The following ERC2 variants were observed in gnomAD, a reference collection of about 807,000 sequenced individuals.
The protein encoded by ERC2 is ERC protein 2.
Under a neutral mutation model 114.8 loss-of-function variants are expected in ERC2, and 42 were observed. That is an observed-to-expected ratio of 0.37 (90% CI 0.29 to 0.47). The LOEUF (loss-of-function observed/expected upper bound fraction) is 0.47, where lower values mean the gene tolerates loss of function less well. Ranked by LOEUF, ERC2 falls within the 20% of genes least tolerant of loss-of-function variation. ERC2 has a pLI of 0.99. For missense variants in ERC2, 939 were observed against 1,150.7 expected (o/e 0.82, Z 2.66); for synonymous variants, 454 against 425.5 (o/e 1.07, Z -0.82).
chr3:56,305,766 G>A (rs2056183886), intron 2 of ERC2, among the ~76,000 whole-genome samples: 1 of 152,242 alleles, frequency 6.6e-6, no homozygotes. Context: ...CGGCCTAAGG[G>A]CCAAATCTGG....
chr3:55,577,868 C>T (rs757791398), intron 17 of ERC2, among the ~76,000 whole-genome samples: 1 of 152,188 alleles, frequency 6.6e-6, no homozygotes, highest in Non-Finnish European at 1.5e-5. Context: ...GTTGTCTAGA[C>T]TGCCACAGTA....
intron 4 of ERC2, among the ~76,000 whole-genome samples, chr3:56,169,758 G>A (rs959106114): frequency 6.6e-6 from 1 of 151,008 alleles, no homozygotes; most frequent in African/African-American, 2.4e-5. Context: ...CAATGAAAAA[G>A]GGGGTTGAGA....
At chr3:55,915,182 T>C (rs1278793480) in intron 13 of ERC2, among the ~76,000 whole-genome samples, 4 of 152,138 alleles carry the variant, frequency 2.6e-5, no homozygotes, top group African/African-American at 4.8e-5. Flanking sequence ...ATAAACCCTA[T>C]GCTGTTTAAC....
chr3:55,520,226 A>C (rs1171782079), intron 17 of ERC2, among the ~76,000 whole-genome samples: 2 of 151,954 alleles, frequency 1.3e-5, no homozygotes, highest in African/African-American at 4.8e-5. Context: ...GGCAAGGGGG[A>C]CAGATGGCCT....
At chr3:56,237,879 T>C (rs1487314201) in intron 3 of ERC2, among the ~76,000 whole-genome samples, 1 of 114,182 alleles carries the variant, frequency 8.8e-6, no homozygotes, top group Non-Finnish European at 1.7e-5. Flanking sequence ...ATTTCTGCCT[T>C]TCTATTTTTT....
chr3:56,325,705 C>T (rs961919804), intron 2 of ERC2, among the ~76,000 whole-genome samples: 1 of 152,138 alleles, frequency 6.6e-6, no homozygotes, highest in African/African-American at 2.4e-5. Context: ...AAAGTACTTA[C>T]CCTGCACTGA....
Position 56,255,141 on chromosome 3 carries a change from ACTCTC to A in ERC2, c.1074+40873_1074+40877del, listed in dbSNP as rs2052431348. ...CATTTGTTCACACCTGTCCCTGAAG[ACTCTC>A]TCCTTTCTCCATCTTTTCATCTACC... On this transcript the variant is annotated intron_variant, in intron 3 of 17. Transcript: ENST00000288221. Among the ~76,000 whole-genome samples, 2 of 151,906 alleles carry A rather than the reference ACTCTC, an allele frequency of 1.3e-5. 1 individual carries two copies. The highest frequency in any genetic ancestry group is 4.8e-5 in the African/African-American group (2 of 41,326).
At chr3:56,418,427 C>T (rs2061256451) in intron 2 of ERC2, among the ~76,000 whole-genome samples, 1 of 152,242 alleles carries the variant, frequency 6.6e-6, no homozygotes, top group Admixed American at 6.5e-5. Flanking sequence ...CTCCATACTA[C>T]AGTCAATCCT....
chr3:56,231,976 T>TG (rs1350668769), intron 3 of ERC2, among the ~76,000 whole-genome samples: 1 of 152,016 alleles, frequency 6.6e-6, no homozygotes, highest in Non-Finnish European at 1.5e-5. Context: ...ATAGTTTTTT[T>TG]TTTTTCTTTT....
At chr3:55,838,688 T>C (rs1315548954) in intron 14 of ERC2, among the ~76,000 whole-genome samples, 1 of 151,826 alleles carries the variant, frequency 6.6e-6, no homozygotes, top group Non-Finnish European at 1.5e-5. Context: ...CTTAAGTTGA[T>C]AAATCTCTAG....
At chr3:56,245,579 T>A (rs2051633805) in intron 3 of ERC2, among the ~76,000 whole-genome samples, 1 of 152,048 alleles carries the variant, frequency 6.6e-6, no homozygotes, top group Non-Finnish European at 1.5e-5. Flanking sequence ...ATTTTTTTTT[T>A]TGAGACAGAG....
chr3:55,826,863 C>A (rs890067929), intron 14 of ERC2, among the ~76,000 whole-genome samples: 8 of 152,204 alleles, frequency 5.3e-5, no homozygotes, highest in African/African-American at 1.4e-4. Context: ...ACTGGCGAGG[C>A]ACATTGTGCT....
At chr3:56,018,500 A>T (rs1042154837) in intron 8 of ERC2, among the ~76,000 whole-genome samples, 4 of 152,138 alleles carry the variant, frequency 2.6e-5, no homozygotes, top group Non-Finnish European at 4.4e-5. Flanking sequence ...ACCTGGAAAA[A>T]GAGAAATGGG....
chr3:56,118,798 G>A (rs141427240), intron 6 of ERC2, among the ~76,000 whole-genome samples: 3,924 of 151,900 alleles, frequency 0.026, 174 homozygotes, highest in African/African-American at 0.09. Flanking sequence ...CACCACGCCC[G>A]GCTAATTTTT....
At chr3:55,621,364 C>T (rs2059321743) in intron 17 of ERC2, among the ~76,000 whole-genome samples, 2 of 152,152 alleles carry the variant, frequency 1.3e-5, no homozygotes, top group Admixed American at 1.3e-4. Context: ...AACACTCCCT[C>T]ATGAAAAGCA....
At chr3:55,719,960 T>C in intron 15 of ERC2, among the ~76,000 whole-genome samples, 1 of 149,526 alleles carries the variant, frequency 6.7e-6, no homozygotes, top group Admixed American at 6.7e-5. Context: ...TTTCCTTTCT[T>C]TCCTTCTCTC....
intron 17 of ERC2, among the ~76,000 whole-genome samples, chr3:55,675,899 CTTTCTTTTTTTTTT>C (rs2061773454): frequency 1.7e-5 from 1 of 58,122 alleles, no homozygotes; most frequent in African/African-American, 7.0e-5. Flanking sequence ...TTTCTCTTTT[CTTTCTTTTTTTTTT>C]TTTTTTTTTT....
intron 12 of ERC2, chr3:55,955,144 C>G: frequency 3.9e-6 from 2 of 516,494 alleles, no homozygotes; most frequent in Non-Finnish European, 3.9e-6. Context: ...AACGGAAACT[C>G]CTGGAAACTC....
At chr3:55,542,511 CTT>C (rs983656672) in intron 17 of ERC2, among the ~76,000 whole-genome samples, 14 of 152,202 alleles carry the variant, frequency 9.2e-5, no homozygotes, top group African/African-American at 3.4e-4. Flanking sequence ...CTCTCTCTCT[CTT>C]TCTCATGCCT....
Sources: gnomAD v4.1 joint callset for allele counts (sites outside exome capture counted in the v4.1 genomes callset) on GRCh38, gnomAD v4.1.1 for gene constraint, MANE v1.5 for transcripts, NCBI Gene and HGNC (gene_info 2026-07-23, HGNC 2026-07-21) for gene names.